The following HNF1B variants were observed in gnomAD, a reference collection of about 807,000 sequenced individuals.
The protein encoded by HNF1B is hepatocyte nuclear factor 1-beta.
A neutral mutation model predicts 61.7 loss-of-function variants in HNF1B; 8 were observed. The ratio of observed to expected loss-of-function variants is 0.13; its 90% CI spans 0.08 to 0.23. HNF1B has a LOEUF of 0.23. HNF1B is among the 10% of genes least tolerant of loss of function. The pLI is 1.00. For synonymous variants in HNF1B, 314 were observed against 287.7 expected, an observed-to-expected ratio of 1.09 and a Z score of -0.93; for missense variants, 562 against 714.5, an observed-to-expected ratio of 0.79 and a Z score of 2.43.
Position 37,704,902 on chromosome 17 carries a change from A to G in HNF1B, c.1339+15T>C, listed in dbSNP as rs778125017. Reference sequence around the variant, plus strand: ...CTCCCTGCCCCCAAGTTTTCCAACCAAGAATAGAACTTACTTTGTGCAATT... The same window carrying G: ...CTCCCTGCCCCCAAGTTTTCCAACCGAGAATAGAACTTACTTTGTGCAATT... On this transcript the variant is annotated intron_variant, in intron 6 of 8. Coordinates refer to ENST00000617811, the MANE Select transcript of HNF1B (RefSeq NM_000458.4). The G allele has an allele frequency of 6.2e-7, 1 of 1,614,146 alleles. No individual in the cohort carries two copies. The highest frequency in any genetic ancestry group is 8.5e-7 in the Non-Finnish European group (1 of 1,179,982).
In HNF1B at chr17:37,714,702, G is replaced by A. The variant is rs571997073; in HGVS notation, c.1046-4039C>T. Among the ~76,000 whole-genome samples the A allele has an allele frequency of 3.0e-4, 46 of 152,322 alleles. No homozygotes were observed. In the South Asian group the frequency reaches 6.6e-3, roughly 22 times the overall value. On this transcript the variant is annotated intron_variant, in intron 4 of 8. Transcript: ENST00000617811. Reference sequence around the variant, plus strand: ...TGTTGGGCTATTCCTGGATACAGACGCAGATCATTCGGTTTCTATCCAATA... The same window carrying A: ...TGTTGGGCTATTCCTGGATACAGACACAGATCATTCGGTTTCTATCCAATA...
chr17:37,687,436 C>T, intron 8 of HNF1B, 44 bp from the exon 9 acceptor site: 2 of 1,481,038 alleles, frequency 1.4e-6, no homozygotes, highest in Non-Finnish European at 1.9e-6. Flanking sequence ...TGTCATTTGG[C>T]AGGGTCATGG....
rs1273978697 is a variant in HNF1B at position 37,731,626 on chromosome 17, CTGG to C, written c.1011_1013del (p.His337del). Reference sequence around the variant, plus strand: ...GCTTGTTTGGAGGAGAGGAGCTGGGCTGGTGGTGGGGGGAGCCGTGGGAGAGCA... The same window carrying C: ...GCTTGTTTGGAGGAGAGGAGCTGGGCTGGTGGGGGGAGCCGTGGGAGAGCA... On this transcript the variant is annotated inframe_deletion, in exon 4 of 9. Transcript: ENST00000617811. The C allele has an allele frequency of 6.2e-7, 1 of 1,613,670 alleles. No homozygotes were observed.
At chr17:37,738,552 A>G (rs920752837) in intron 2 of HNF1B, among the ~76,000 whole-genome samples, 2 of 152,222 alleles carry the variant, frequency 1.3e-5, no homozygotes, top group African/African-American at 2.4e-5. Context: ...ACCGATACAA[A>G]TTTTCCAGGA....
At chr17:37,700,203 G>A (rs1006200663) in intron 7 of HNF1B, among the ~76,000 whole-genome samples, 3 of 146,132 alleles carry the variant, frequency 2.1e-5, no homozygotes, top group Admixed American at 6.8e-5. Context: ...CTGAAGCAGA[G>A]AAGCCACGAT....
chr17:37,742,800 C>T (rs1177257648), intron 1 of HNF1B, among the ~76,000 whole-genome samples: 2 of 151,326 alleles, frequency 1.3e-5, no homozygotes, highest in East Asian at 2.0e-4. Context: ...GCGGCTCGGG[C>T]GCTCACAGAG....
At chr17:37,710,032 C>A (rs897693422) in intron 5 of HNF1B, among the ~76,000 whole-genome samples, 3 of 152,202 alleles carry the variant, frequency 2.0e-5, no homozygotes, top group African/African-American at 7.2e-5. Flanking sequence ...TTCTCCCCAT[C>A]GCCTCCTATC....
intron 4 of HNF1B, among the ~76,000 whole-genome samples, chr17:37,723,275 A>G (rs1316919960): frequency 6.6e-6 from 1 of 151,738 alleles, no homozygotes; most frequent in Admixed American, 6.6e-5. Flanking sequence ...TGAACCCGGG[A>G]GGCGGAGCTT....
intron 4 of HNF1B, among the ~76,000 whole-genome samples, chr17:37,716,490 C>T (rs1216910023): frequency 6.6e-6 from 1 of 152,200 alleles, no homozygotes; most frequent in African/African-American, 2.4e-5. Context: ...TGAGCCACTG[C>T]GCCCGGCCTC....
chr17:37,699,965 T>C (rs778655831), intron 7 of HNF1B, among the ~76,000 whole-genome samples: 2 of 152,224 alleles, frequency 1.3e-5, no homozygotes, highest in South Asian at 2.1e-4. Context: ...ATAAATAATC[T>C]TTATAATTTT....
At chr17:37,744,507 C>T (rs1043776049) in intron 1 of HNF1B, 34 bp downstream of exon 1, 2 of 1,593,106 alleles carry the variant, frequency 1.3e-6, no homozygotes, top group African/African-American at 1.3e-5. Context: ...TCCAGGGGTT[C>T]GGGTGGGTCC....
In HNF1B at chr17:37,686,944, GGA is replaced by G. The variant is rs1169239247; in HGVS notation, c.*426_*427del. On this transcript the variant is annotated 3_prime_UTR_variant, in exon 9 of 9. Transcript: ENST00000617811. ...CAAGATCATTTGGGATGGGGGCAGG[GGA>G]GGGAGTCTGTGGATATTTACAGTGT... 5.9e-5 allele frequency: 22 copies of G among 371,876 alleles called. No homozygotes were observed. The highest frequency in any genetic ancestry group is 5.6e-4 in the South Asian group (21 of 37,292). 23.0% of individuals were successfully genotyped at this position (371,876 alleles called of 1,614,324 possible). A position where few individuals can be genotyped will look rare whatever the true frequency, so the allele number is the denominator to read the frequency against.
chr17:37,740,259 G>A (rs1598849739), intron 1 of HNF1B, among the ~76,000 whole-genome samples: 1 of 152,080 alleles, frequency 6.6e-6, no homozygotes, highest in Non-Finnish European at 1.5e-5. Context: ...GTGAGCCACC[G>A]CGCCTGGCCA....
At chr17:37,692,052 C>A (rs3094511) in intron 8 of HNF1B, among the ~76,000 whole-genome samples, 3,272 of 152,296 alleles carry the variant, frequency 0.021, 102 homozygotes, top group African/African-American at 0.073. Flanking sequence ...TCCAGACTAG[C>A]GGGGCATTGT....
chr17:37,737,862 T>A (rs1280535709), intron 2 of HNF1B, among the ~76,000 whole-genome samples: 1 of 151,944 alleles, frequency 6.6e-6, no homozygotes, highest in Non-Finnish European at 1.5e-5. Flanking sequence ...AATAAATAAA[T>A]AAAACAAAAA....
chr17:37,690,408 CAG>C (rs1293309755), intron 8 of HNF1B, among the ~76,000 whole-genome samples: 1 of 152,170 alleles, frequency 6.6e-6, no homozygotes, highest in Non-Finnish European at 1.5e-5. Flanking sequence ...AGAGTTTTGA[CAG>C]GGGATTGACA....
intron 2 of HNF1B, among the ~76,000 whole-genome samples, chr17:37,736,101 A>T (rs2033824918): frequency 6.6e-6 from 1 of 152,104 alleles, no homozygotes; most frequent in Admixed American, 6.5e-5. Context: ...TAGCCCCTCT[A>T]TGGTATTTGA....
intron 2 of HNF1B, among the ~76,000 whole-genome samples, chr17:37,738,423 T>G (rs1046157143): frequency 6.6e-6 from 1 of 152,158 alleles, no homozygotes; most frequent in African/African-American, 2.4e-5. Context: ...AAGAGTCATT[T>G]TAAAAAGCAA....
chr17:37,724,556 A>C (rs1209446225), intron 4 of HNF1B, among the ~76,000 whole-genome samples: 1 of 152,202 alleles, frequency 6.6e-6, no homozygotes, highest in African/African-American at 2.4e-5. Context: ...ACATTTTTAA[A>C]CAGTTGAGAA....
Sources: gnomAD v4.1 joint callset for allele counts (sites outside exome capture counted in the v4.1 genomes callset) on GRCh38, gnomAD v4.1.1 for gene constraint, MANE v1.5 for transcripts, NCBI Gene and HGNC (gene_info 2026-07-23, HGNC 2026-07-21) for gene names.